DGKB: variants seen among roughly 807,000 people sequenced by gnomAD.
The protein encoded by DGKB is diacylglycerol kinase beta, also known as 90 kDa diacylglycerol kinase.
A neutral mutation model predicts 114.3 loss-of-function variants in DGKB; 67 were observed. The ratio of observed to expected loss-of-function variants is 0.59; its 90% CI spans 0.48 to 0.72. DGKB has a LOEUF of 0.72. DGKB is among the 30% of genes least tolerant of loss of function. The pLI, the probability that DGKB is intolerant of heterozygous loss-of-function variation, is 0.00. For missense variants in DGKB, 907 were observed against 975.2 expected, an observed-to-expected ratio of 0.93 and a Z score of 0.93; for synonymous variants, 398 against 323.1, an observed-to-expected ratio of 1.23 and a Z score of -2.49.
chr7:14,237,348 C>G (rs1007281851), intron 23 of DGKB, among the ~76,000 whole-genome samples: 1 of 151,776 alleles, frequency 6.6e-6, no homozygotes, highest in African/African-American at 2.4e-5. Flanking sequence ...CTCCCTCTTT[C>G]CTTCCTTCTA....
At chr7:14,926,182 C>T (rs1784741762) in intron 1 of DGKB, among the ~76,000 whole-genome samples, 1 of 151,904 alleles carries the variant, frequency 6.6e-6, no homozygotes, top group Non-Finnish European at 1.5e-5. Context: ...TGATGGATTA[C>T]ATTTCATACA....
chr7:14,515,202 G>A (rs1788593926), intron 20 of DGKB, among the ~76,000 whole-genome samples: 1 of 152,042 alleles, frequency 6.6e-6, no homozygotes, highest in Non-Finnish European at 1.5e-5. Flanking sequence ...AAAATAAAAA[G>A]TAGAAACACA....
chr7:14,279,248 C>A (rs1799511638), intron 23 of DGKB, among the ~76,000 whole-genome samples: 1 of 152,052 alleles, frequency 6.6e-6, no homozygotes, highest in Admixed American at 6.5e-5. Context: ...CGGAGTCTCG[C>A]TGATTGCTAG....
intron 2 of DGKB, among the ~76,000 whole-genome samples, chr7:14,787,262 T>C (rs1840038155): frequency 6.6e-6 from 1 of 152,184 alleles, no homozygotes; most frequent in Admixed American, 6.5e-5. Context: ...TTTTTATATA[T>C]TAGCAATTTA....
intron 15 of DGKB, among the ~76,000 whole-genome samples, chr7:14,616,524 T>G (rs941068101): frequency 2.0e-5 from 3 of 151,802 alleles, no homozygotes; most frequent in Non-Finnish European, 4.4e-5. Flanking sequence ...GTGTCCTTTT[T>G]GTTATAGATT....
intron 17 of DGKB, among the ~76,000 whole-genome samples, chr7:14,587,350 A>C (rs1263639997): frequency 6.6e-6 from 1 of 152,140 alleles, no homozygotes; most frequent in African/African-American, 2.4e-5. Flanking sequence ...TTTGATGAGA[A>C]TTGAATTTGA....
At chr7:14,173,467 T>C (rs1316548078) in intron 25 of DGKB, among the ~76,000 whole-genome samples, 2 of 152,190 alleles carry the variant, frequency 1.3e-5, no homozygotes, top group Non-Finnish European at 2.9e-5. Flanking sequence ...TATCTTGATA[T>C]TTAAGCATTA....
At chr7:14,957,968 C>T (rs1786607405) in intron 1 of DGKB, among the ~76,000 whole-genome samples, 1 of 151,838 alleles carries the variant, frequency 6.6e-6, no homozygotes, top group Non-Finnish European at 1.5e-5. Flanking sequence ...AGAAATACAA[C>T]CTTGTTAACA....
intron 13 of DGKB, among the ~76,000 whole-genome samples, chr7:14,661,971 C>T (rs374967915): frequency 4.6e-5 from 7 of 151,996 alleles, no homozygotes; most frequent in East Asian, 1.9e-4. Context: ...AACCAAACAC[C>T]GCATATTCTC....
At chr7:14,620,637 C>G (rs145183581) in intron 15 of DGKB, among the ~76,000 whole-genome samples, 2 of 151,680 alleles carry the variant, frequency 1.3e-5, no homozygotes, top group African/African-American at 4.8e-5. Context: ...ATACTTAAAT[C>G]CACAATTTCA....
At chr7:14,196,708 C>A (rs1562589923) in intron 23 of DGKB, among the ~76,000 whole-genome samples, 1 of 151,848 alleles carries the variant, frequency 6.6e-6, no homozygotes, top group Non-Finnish European at 1.5e-5. Context: ...AGAGAACTTG[C>A]AACTTACTAC....
chr7:14,541,765 AT>A (rs1793498130), intron 20 of DGKB, among the ~76,000 whole-genome samples: 1 of 152,170 alleles, frequency 6.6e-6, no homozygotes, highest in African/African-American at 2.4e-5. Context: ...CCTTTCTTCC[AT>A]GTTCCAGACC....
intron 20 of DGKB, among the ~76,000 whole-genome samples, chr7:14,498,697 T>G (rs183514568): frequency 6.6e-6 from 1 of 151,726 alleles, no homozygotes; most frequent in South Asian, 2.1e-4. Context: ...AGTAGTACAC[T>G]TTTTGTTAGG....
rs115039638 is a variant in DGKB at position 14,919,162 on chromosome 7, G to A, written c.-188+55534C>T. Among the ~76,000 whole-genome samples the A allele has an allele frequency of 4.6e-3, 675 of 148,178 alleles. 6 individuals are homozygous for A. The highest frequency in any genetic ancestry group is 0.017 in the African/African-American group (652 of 39,466). Reference sequence around the variant, plus strand: ...AAAGACAAAAAAGACCCAGAAATAGGTGACTCAATACTGAAGAAAAACAAA... The same window carrying A: ...AAAGACAAAAAAGACCCAGAAATAGATGACTCAATACTGAAGAAAAACAAA... On this transcript the variant is annotated intron_variant, in intron 1 of 4. Transcript: ENST00000437998.
chr7:14,884,552 T>G (rs1278383549), intron 1 of DGKB, among the ~76,000 whole-genome samples: 1 of 151,970 alleles, frequency 6.6e-6, no homozygotes, highest in African/African-American at 2.4e-5. Context: ...CCTGACAGCC[T>G]GACTTTTTCT....
chr7:14,477,659 G>A (rs1238620932), intron 21 of DGKB, among the ~76,000 whole-genome samples: 1 of 152,060 alleles, frequency 6.6e-6, no homozygotes, highest in Admixed American at 6.6e-5. Context: ...TGTTCGTCAA[G>A]TCTTTTCTCC....
At chr7:14,507,909 T>A (rs142229074) in intron 20 of DGKB, among the ~76,000 whole-genome samples, 69 of 152,300 alleles carry the variant, frequency 4.5e-4, no homozygotes, top group African/African-American at 1.6e-3. Flanking sequence ...AGTACATACT[T>A]ACAGAGACAC....
intron 21 of DGKB, among the ~76,000 whole-genome samples, chr7:14,432,017 G>T (rs1392791059): frequency 6.6e-6 from 1 of 152,162 alleles, no homozygotes; most frequent in Non-Finnish European, 1.5e-5. Context: ...AGGGGAAAAT[G>T]AAAGTGCTTG....
chr7:14,530,455 T>C (rs995072818), intron 20 of DGKB, among the ~76,000 whole-genome samples: 4 of 151,530 alleles, frequency 2.6e-5, no homozygotes, highest in African/African-American at 9.7e-5. Flanking sequence ...ATAAATAGTT[T>C]TACATGCCTC....
Sources: gnomAD v4.1 joint callset for allele counts (sites outside exome capture counted in the v4.1 genomes callset) on GRCh38, gnomAD v4.1.1 for gene constraint, MANE v1.5 for transcripts, NCBI Gene and HGNC (gene_info 2026-07-23, HGNC 2026-07-21) for gene names.